The following CWC27 variants were observed in gnomAD, a reference collection of about 807,000 sequenced individuals.
CWC27 encodes CWC27 spliceosome associated cyclophilin.
Under a neutral mutation model 63.6 loss-of-function variants are expected in CWC27, and 47 were observed. That is an observed-to-expected ratio of 0.74 (90% CI 0.58 to 0.94). The LOEUF (loss-of-function observed/expected upper bound fraction) is 0.94. Ranked by LOEUF, CWC27 falls within the 40% of genes least tolerant of loss-of-function variation. CWC27 has a pLI of 0.00. For missense variants in CWC27, 495 were observed against 554.3 expected, an observed-to-expected ratio of 0.89 and a Z score of 1.07; for synonymous variants, 175 against 179.8, an observed-to-expected ratio of 0.97 and a Z score of 0.22.
chr5:64,882,955 T>C (rs1746981236), intron 10 of CWC27, among the ~76,000 whole-genome samples: 1 of 152,206 alleles, frequency 6.6e-6, no homozygotes, highest in Admixed American at 6.5e-5. Flanking sequence ...ATTAGTCTGT[T>C]CTCATGCTGC....
At chr5:64,947,184 C>T (rs1443325841) in intron 11 of CWC27, among the ~76,000 whole-genome samples, 1 of 152,128 alleles carries the variant, frequency 6.6e-6, no homozygotes, top group East Asian at 1.9e-4. Context: ...AGCAACTGTT[C>T]CACCTTGTTT....
intron 7 of CWC27, among the ~76,000 whole-genome samples, chr5:64,791,025 A>G (rs1744060720): frequency 6.6e-6 from 1 of 152,086 alleles, no homozygotes; most frequent in Admixed American, 6.6e-5. Context: ...GACGTCTCAA[A>G]GGTTGGTGAG....
intron 11 of CWC27, among the ~76,000 whole-genome samples, chr5:64,902,112 TAAC>T (rs1293468953): frequency 7.9e-5 from 12 of 152,194 alleles, no homozygotes; most frequent in African/African-American, 9.6e-5. Flanking sequence ...CACTCTAAAA[TAAC>T]AATAAAAATA....
rs780039600 is a variant in CWC27, at chr5:64,781,974, G to A, written c.193G>A (p.Gly65Ser). ...AGTTGTGCCTGGTTTCATAGTCCAAGGCGGAGATCCTACTGGCACAGGGAG... is the reference window on the plus strand; with the variant it reads ...AGTTGTGCCTGGTTTCATAGTCCAAAGCGGAGATCCTACTGGCACAGGGAG... ...HRVVPGFIVQ[G>S]GDPTGTGSGG... Residue 65 changes from glycine to serine, a missense_variant, in exon 3 of 14, where the codon GGC becomes AGC. This residue lies in a region of CWC27 where 463 missense variants were observed against 498.1 expected (regional missense o/e 0.93). Transcript: ENST00000381070. 1 of 1,604,696 alleles carries A rather than the reference G, an allele frequency of 6.2e-7. No individual in the cohort carries two copies. The highest frequency in any genetic ancestry group is 8.5e-7 in the Non-Finnish European group (1 of 1,173,836).
At chr5:64,931,465 CTT>C (rs940140245) in intron 11 of CWC27, among the ~76,000 whole-genome samples, 2 of 145,008 alleles carry the variant, frequency 1.4e-5, no homozygotes, top group Non-Finnish European at 3.0e-5. Context: ...TTGATAAACT[CTT>C]TTTTTTACAT....
At chr5:64,815,865 T>C (rs1360359093) in intron 10 of CWC27, among the ~76,000 whole-genome samples, 2 of 152,168 alleles carry the variant, frequency 1.3e-5, no homozygotes, top group Non-Finnish European at 2.9e-5. Flanking sequence ...AAATTGTAAC[T>C]TTCTTATTAG....
At chr5:64,896,291 T>G (rs576352722) in intron 11 of CWC27, among the ~76,000 whole-genome samples, 1 of 152,242 alleles carries the variant, frequency 6.6e-6, no homozygotes, top group Non-Finnish European at 1.5e-5. Context: ...CCAAAGGAAA[T>G]TCTAAAGGAT....
chr5:64,796,521 C>A (rs903240601), intron 7 of CWC27, among the ~76,000 whole-genome samples: 6 of 152,098 alleles, frequency 3.9e-5, no homozygotes, highest in African/African-American at 1.4e-4. Flanking sequence ...AGATGGGGCC[C>A]ACCCACATTA....
At chr5:64,905,228 C>T in intron 11 of CWC27, among the ~76,000 whole-genome samples, 1 of 140,512 alleles carries the variant, frequency 7.1e-6, no homozygotes, top group African/African-American at 3.0e-5. Flanking sequence ...AAAAAAACAC[C>T]TAATGAATGC....
chr5:64,872,921 C>G (rs749966834), intron 10 of CWC27, among the ~76,000 whole-genome samples: 1 of 152,044 alleles, frequency 6.6e-6, no homozygotes, highest in East Asian at 1.9e-4. Flanking sequence ...ACTCTTTCTC[C>G]CTTAGTGTAT....
chr5:64,903,245 A>C (rs1195997968), intron 11 of CWC27, among the ~76,000 whole-genome samples: 2 of 152,194 alleles, frequency 1.3e-5, no homozygotes, highest in African/African-American at 4.8e-5. Flanking sequence ...TTGCAGCACT[A>C]TTTACAATAG....
intron 13 of CWC27, among the ~76,000 whole-genome samples, chr5:65,004,621 A>G (rs1749794632): frequency 6.7e-6 from 1 of 149,450 alleles, no homozygotes; most frequent in Middle Eastern, 3.2e-3. Context: ...TGTATTGTTT[A>G]TCTCTGTTCT....
rs1480526110 is a variant in CWC27 at position 64,877,650 on chromosome 5, CA to C, written c.939-7789del. Among the ~76,000 whole-genome samples, 4 of 151,912 alleles carry C rather than the reference CA, an allele frequency of 2.6e-5. No individual in the cohort carries two copies. In the East Asian group the frequency reaches 7.7e-4, roughly 29 times the overall value. On this transcript the variant is annotated intron_variant, in intron 10 of 13. Coordinates refer to ENST00000381070, the MANE Select transcript of CWC27 (RefSeq NM_005869.4). ...ACCATTACGTATTCTATAGCTGTAA[CA>C]AAATACCACATGTAGCCCATAAAAA...
intron 8 of CWC27, 139 bp from the exon 9 acceptor site, chr5:64,801,163 A>G: frequency 1.3e-6 from 1 of 781,344 alleles, no homozygotes; most frequent in Non-Finnish European, 1.9e-6. Context: ...CTGTTCTATA[A>G]TGCCTTTCTT....
At chr5:64,769,245 G>C in intron 1 of CWC27, 57 bp downstream of exon 1, 1 of 1,533,492 alleles carries the variant, frequency 6.5e-7, no homozygotes, top group Non-Finnish European at 9.0e-7. Context: ...GAGATTTCCC[G>C]GATTTGGGGT....
intron 11 of CWC27, among the ~76,000 whole-genome samples, chr5:64,929,974 CA>C (rs2112400991): frequency 6.7e-6 from 1 of 148,212 alleles, no homozygotes; most frequent in African/African-American, 2.4e-5. Flanking sequence ...ACAACCCAGA[CA>C]AAACAGCCTA....
chr5:64,981,478 A>G (rs1407761413), intron 13 of CWC27, among the ~76,000 whole-genome samples: 1 of 152,194 alleles, frequency 6.6e-6, no homozygotes, highest in Non-Finnish European at 1.5e-5. Flanking sequence ...AATTTATTTG[A>G]CCATGTTGTT....
intron 5 of CWC27, among the ~76,000 whole-genome samples, 188 bp downstream of exon 5, chr5:64,785,767 G>C (rs1440851812): frequency 9.2e-5 from 14 of 152,138 alleles, no homozygotes; most frequent in Admixed American, 8.5e-4. Flanking sequence ...TTAATTCAAA[G>C]ATGAAACTTT....
At chr5:64,786,735 T>G in intron 6 of CWC27, 108 bp downstream of exon 6, 1 of 635,334 alleles carries the variant, frequency 1.6e-6, no homozygotes, top group Non-Finnish European at 2.7e-6. Context: ...GAGAGGCCAG[T>G]TTGAACCAGA....
Sources: allele counts gnomAD v4.1 joint callset (sites outside exome capture counted in the v4.1 genomes callset), GRCh38; gene constraint gnomAD v4.1.1; regional missense constraint gnomAD v4.1.1; transcripts MANE v1.5; gene names NCBI Gene and HGNC (gene_info 2026-07-23, HGNC 2026-07-21).